The following GPHN variants were observed in gnomAD, a reference collection of about 807,000 sequenced individuals.
GPHN encodes gephyrin.
In GPHN, 17 loss-of-function variants were observed where a neutral mutation model predicts 95.5. The observed-to-expected ratio is 0.18, with a 90% confidence interval of 0.12 to 0.27. GPHN has a LOEUF of 0.27. Ranked by LOEUF, GPHN falls within the 10% of genes least tolerant of loss-of-function variation. The probability of loss-of-function intolerance (pLI) is 1.00; values close to 1 mark genes in which losing one functional copy is unlikely to be tolerated. For synonymous variants in GPHN, 320 were observed against 322.5 expected (o/e 0.99, Z 0.08); for missense variants, 660 against 978.1 (o/e 0.67, Z 4.34).
At chr14:67,176,009 A>T (rs2082920900) in intron 21 of GPHN, among the ~76,000 whole-genome samples, 1 of 152,190 alleles carries the variant, frequency 6.6e-6, no homozygotes, top group South Asian at 2.1e-4. Flanking sequence ...ATATACAATC[A>T]TGTCATCTTC....
chr14:67,605,454 T>G, the GPHN span, among the ~76,000 whole-genome samples: 1 of 152,184 alleles, frequency 6.6e-6, no homozygotes, highest in African/African-American at 2.4e-5. Context: ...ATTCCTGGGC[T>G]CAAGGTATTC....
the GPHN span, among the ~76,000 whole-genome samples, chr14:67,705,656 T>C: frequency 6.6e-6 from 1 of 152,184 alleles, no homozygotes; most frequent in South Asian, 2.1e-4. Flanking sequence ...AATTTCCTGG[T>C]TTTGATCATT....
the GPHN span, chr14:67,725,171 C>G: frequency 3.7e-6 from 6 of 1,614,038 alleles, no homozygotes; most frequent in Non-Finnish European, 5.1e-6. Context: ...CGAGTGGATA[C>G]AAAGAACTCC....
chr14:66,693,633 T>C (rs2067928145), intron 2 of GPHN, among the ~76,000 whole-genome samples: 1 of 152,142 alleles, frequency 6.6e-6, no homozygotes, highest in Non-Finnish European at 1.5e-5. Context: ...CCCCTCTAAT[T>C]GGGTAGGTCT....
intron 18 of GPHN, among the ~76,000 whole-genome samples, chr14:67,143,836 C>G (rs925898919): frequency 6.6e-6 from 1 of 152,054 alleles, no homozygotes; most frequent in Non-Finnish European, 1.5e-5. Flanking sequence ...ATTCACCCAC[C>G]ATATATTCCA....
At chr14:67,382,021 C>T in the GPHN span, among the ~76,000 whole-genome samples, 1 of 152,064 alleles carries the variant, frequency 6.6e-6, no homozygotes, top group African/African-American at 2.4e-5. Flanking sequence ...TATCTGTACA[C>T]ATACAAGTTT....
chr14:66,883,603 T>C (rs1364513116), intron 5 of GPHN, among the ~76,000 whole-genome samples: 3 of 152,118 alleles, frequency 2.0e-5, no homozygotes, highest in South Asian at 4.1e-4. Context: ...TTTTGAACAC[T>C]GCATTGTAAG....
At chr14:66,877,546 A>G (rs1009067152) in intron 4 of GPHN, among the ~76,000 whole-genome samples, 2 of 152,244 alleles carry the variant, frequency 1.3e-5, no homozygotes, top group Non-Finnish European at 2.9e-5. Context: ...GTCTCAGGAT[A>G]CAAAATCAAT....
chr14:66,778,726 C>CTTTTTTTTTTT (rs759940498), intron 3 of GPHN, among the ~76,000 whole-genome samples: 2 of 59,346 alleles, frequency 3.4e-5, no homozygotes, highest in African/African-American at 1.5e-4. Context: ...ACTCAAGGGG[C>CTTTTTTTTTTT]TTTTTTTTTT....
At chr14:66,844,796 A>C (rs1487328379) in intron 4 of GPHN, among the ~76,000 whole-genome samples, 1 of 152,142 alleles carries the variant, frequency 6.6e-6, no homozygotes, top group Admixed American at 6.6e-5. Flanking sequence ...GCACATTCAC[A>C]GTTTTGTGCA....
chr14:66,936,930 G>T (rs879416226), intron 8 of GPHN, among the ~76,000 whole-genome samples: 2 of 152,140 alleles, frequency 1.3e-5, no homozygotes, highest in African/African-American at 4.8e-5. Context: ...TTGTAAAATC[G>T]TGTAAAACAA....
the GPHN span, chr14:67,619,952 C>T: frequency 1.5e-5 from 23 of 1,518,046 alleles, no homozygotes; most frequent in Non-Finnish European, 1.7e-5. Flanking sequence ...GAGCCTCTGC[C>T]TTGGAGATTC....
the GPHN span, among the ~76,000 whole-genome samples, chr14:67,216,044 T>G: frequency 6.6e-6 from 1 of 152,190 alleles, no homozygotes; most frequent in Non-Finnish European, 1.5e-5. Flanking sequence ...GAGCAAATAG[T>G]GCATAGAGTT....
At chr14:67,064,334 C>T (rs895246102) in intron 11 of GPHN, among the ~76,000 whole-genome samples, 1 of 152,098 alleles carries the variant, frequency 6.6e-6, no homozygotes, top group Non-Finnish European at 1.5e-5. Flanking sequence ...ATTCGGTTTG[C>T]CAGTATTTTA....
chr14:67,523,456 C>A, the GPHN span, among the ~76,000 whole-genome samples: 1 of 152,300 alleles, frequency 6.6e-6, no homozygotes, highest in Non-Finnish European at 1.5e-5. Flanking sequence ...AAGGATTATA[C>A]AGGTAGGGTT....
At chr14:67,275,782 A>G in the GPHN span, among the ~76,000 whole-genome samples, 5 of 152,152 alleles carry the variant, frequency 3.3e-5, no homozygotes. Flanking sequence ...GCTATTAATT[A>G]TTGCCTCAAT....
chr14:67,564,577 C>G, the GPHN span, among the ~76,000 whole-genome samples: 1 of 152,102 alleles, frequency 6.6e-6, no homozygotes, highest in African/African-American at 2.4e-5. Flanking sequence ...CCTACTTCAG[C>G]CTTCTAAGTA....
chr14:67,350,304 G>GAA, the GPHN span, among the ~76,000 whole-genome samples: 1 of 147,410 alleles, frequency 6.8e-6, no homozygotes, highest in Admixed American at 6.8e-5. Flanking sequence ...AGCATTAGGA[G>GAA]AAAAAAAAAA....
chr14:66,954,468 G>A (rs1371716818), intron 8 of GPHN, among the ~76,000 whole-genome samples: 1 of 151,908 alleles, frequency 6.6e-6, no homozygotes, highest in Non-Finnish European at 1.5e-5. Flanking sequence ...TGATTTTTGT[G>A]TGTTCTTCAT....
Sources: allele counts gnomAD v4.1 joint callset (sites outside exome capture counted in the v4.1 genomes callset), GRCh38; gene constraint gnomAD v4.1.1; transcripts MANE v1.5; gene names NCBI Gene and HGNC (gene_info 2026-07-23, HGNC 2026-07-21).